The following NDST4 variants were observed in gnomAD, a reference collection of about 807,000 sequenced individuals.
The protein encoded by NDST4 is N-deacetylase and N-sulfotransferase 4.
NDST4 carries 63 observed loss-of-function variants against 100.8 expected under a neutral mutation model. The observed-to-expected ratio is 0.62, with a 90% CI of 0.51 to 0.77. The LOEUF is 0.77. NDST4 is among the 30% of genes least tolerant of loss of function. The pLI, the probability that NDST4 is intolerant of heterozygous loss-of-function variation, is 0.00. For synonymous variants in NDST4, 377 were observed against 361.8 expected (o/e 1.04, Z -0.48); for missense variants, 943 against 1,018.4 (o/e 0.93, Z 1.01).
intron 2 of NDST4, among the ~76,000 whole-genome samples, chr4:115,059,118 C>T (rs1052645506): frequency 6.6e-6 from 1 of 151,822 alleles, no homozygotes; most frequent in Non-Finnish European, 1.5e-5. Flanking sequence ...TGAGTAACTC[C>T]AAAATGTAAT....
At chr4:114,833,832 T>G (rs1723254411) in intron 11 of NDST4, 117 bp from the exon 12 acceptor site, 2 of 615,902 alleles carry the variant, frequency 3.2e-6, no homozygotes, top group African/African-American at 3.7e-5. Context: ...AGGAAGCAAA[T>G]ATGCCCTACT....
intron 1 of NDST4, among the ~76,000 whole-genome samples, chr4:115,081,539 T>C (rs2126291629): frequency 6.6e-6 from 1 of 152,290 alleles, no homozygotes; most frequent in East Asian, 1.9e-4. Flanking sequence ...ATAAGAATCT[T>C]AAGTCGTTAC....
rs148249675 is a variant in NDST4 at position 114,910,336 on chromosome 4, A to C, written c.1536+24870T>G. ...AGAATTACCATTTCAGGAAATGTAC[A>C]TCTCTATTAAGGAGAAAAAAGAGCC... On this transcript the variant is annotated intron_variant, in intron 6 of 13. Transcript: ENST00000264363. 2.1e-3 allele frequency among the ~76,000 whole-genome samples: 316 copies of C among 152,272 alleles called. 2 individuals carry two copies. Among genetic ancestry groups the C allele is most frequent in the African/African-American group, 7.3e-3 (305 of 41,552 alleles).
intron 2 of NDST4, among the ~76,000 whole-genome samples, chr4:115,063,029 G>A (rs1188352934): frequency 6.6e-6 from 1 of 151,926 alleles, no homozygotes; most frequent in East Asian, 1.9e-4. Context: ...TGATACACTT[G>A]AAATTCAGGA....
intron 2 of NDST4, among the ~76,000 whole-genome samples, chr4:114,990,981 G>A (rs1371879629): frequency 6.6e-6 from 1 of 151,974 alleles, no homozygotes; most frequent in Non-Finnish European, 1.5e-5. Flanking sequence ...ATTTTAATGA[G>A]TTCATTATTT....
intron 6 of NDST4, among the ~76,000 whole-genome samples, chr4:114,922,780 T>A (rs1272888247): frequency 6.6e-6 from 1 of 152,190 alleles, no homozygotes; most frequent in Non-Finnish European, 1.5e-5. Context: ...ACACATGCGG[T>A]TATGGCATAA....
intron 1 of NDST4, among the ~76,000 whole-genome samples, chr4:115,098,285 G>A (rs1729660156): frequency 6.6e-6 from 1 of 152,130 alleles, no homozygotes; most frequent in African/African-American, 2.4e-5. Flanking sequence ...ATTCTAGAGA[G>A]TTTAAATTTG....
At chr4:115,000,263 A>T (rs1560852266) in intron 2 of NDST4, among the ~76,000 whole-genome samples, 1 of 151,676 alleles carries the variant, frequency 6.6e-6, no homozygotes, top group African/African-American at 2.4e-5. Flanking sequence ...AAGTTAAATG[A>T]CATAAATTAC....
chr4:115,016,244 A>G (rs991061174), intron 2 of NDST4, among the ~76,000 whole-genome samples: 1 of 152,098 alleles, frequency 6.6e-6, no homozygotes, highest in Non-Finnish European at 1.5e-5. Flanking sequence ...ACTCAGTTAC[A>G]GCACCAAGTA....
intron 2 of NDST4, among the ~76,000 whole-genome samples, chr4:115,039,784 A>G (rs1447702962): frequency 6.6e-6 from 1 of 152,104 alleles, no homozygotes; most frequent in Non-Finnish European, 1.5e-5. Flanking sequence ...TGTAAATAAT[A>G]CATGCACACA....
In NDST4 at chr4:114,895,101, T is replaced by C. The variant is rs201963828; in HGVS notation, c.1537-24151A>G. On this transcript the variant is annotated intron_variant, in intron 6 of 13. Coordinates refer to ENST00000264363, the MANE Select transcript of NDST4 (RefSeq NM_022569.3). The stretch of plus-strand genomic sequence containing the variant: ...AGCTAGAGAAGCAAGATCAAACTAA[T>C]CCAAAAGCTAGCAGAAACAAGAAAT... 1.1e-4 allele frequency among the ~76,000 whole-genome samples: 16 copies of C among 151,864 alleles called. No homozygotes were observed. The East Asian group carries it at 3.1e-3, about 30-fold the overall frequency.
chr4:114,848,474 A>T, intron 8 of NDST4, 136 bp from the exon 9 acceptor site: 1 of 656,040 alleles, frequency 1.5e-6, no homozygotes, highest in Non-Finnish European at 2.5e-6. Flanking sequence ...AAAATCAACT[A>T]GATGCATTCC....
At chr4:114,849,677 G>A (rs1723631409) in intron 8 of NDST4, among the ~76,000 whole-genome samples, 2 of 152,108 alleles carry the variant, frequency 1.3e-5, no homozygotes, top group African/African-American at 2.4e-5. Context: ...CACTGTGTGC[G>A]AAATAAGATG....
intron 2 of NDST4, among the ~76,000 whole-genome samples, chr4:115,057,357 A>AG (rs57559637): frequency 0.25 from 38,354 of 151,510 alleles, 6,546 homozygotes; most frequent in African/African-American, 0.46. Flanking sequence ...CCAGAGAGAG[A>AG]AAAGGAGAAA....
At chr4:115,097,934 A>G (rs1008665891) in intron 1 of NDST4, among the ~76,000 whole-genome samples, 36 of 152,224 alleles carry the variant, frequency 2.4e-4, no homozygotes, top group African/African-American at 8.4e-4. Context: ...CCAGATATAA[A>G]CATGGCAGAT....
intron 4 of NDST4, among the ~76,000 whole-genome samples, chr4:114,956,798 TA>T (rs1726151383): frequency 6.6e-6 from 1 of 151,978 alleles, no homozygotes; most frequent in Non-Finnish European, 1.5e-5. Context: ...AAAAAATAAC[TA>T]AATGGCAACA....
At chr4:114,828,263 C>A (rs1003140824) in intron 13 of NDST4, among the ~76,000 whole-genome samples, 4 of 151,806 alleles carry the variant, frequency 2.6e-5, no homozygotes, top group Non-Finnish European at 5.9e-5. Context: ...ATAGGGACTG[C>A]ATGAGGAATG....
At chr4:114,877,395 G>T (rs1004433776) in intron 6 of NDST4, among the ~76,000 whole-genome samples, 1 of 152,080 alleles carries the variant, frequency 6.6e-6, no homozygotes, top group African/African-American at 2.4e-5. Flanking sequence ...ACACATGCAT[G>T]TCAGCTGATT....
chr4:115,111,559 T>C (rs1173074829), intron 1 of NDST4, among the ~76,000 whole-genome samples: 1 of 151,674 alleles, frequency 6.6e-6, no homozygotes, highest in Non-Finnish European at 1.5e-5. Context: ...GTAATTTACA[T>C]ATATTTGCAT....
Sources: allele counts gnomAD v4.1 joint callset (sites outside exome capture counted in the v4.1 genomes callset), GRCh38; gene constraint gnomAD v4.1.1; transcripts MANE v1.5; gene names NCBI Gene and HGNC (gene_info 2026-07-23, HGNC 2026-07-21).